NDUFA9: variants seen among roughly 807,000 people sequenced by gnomAD.
The protein encoded by NDUFA9 is NADH dehydrogenase [ubiquinone] 1 alpha subcomplex subunit 9, mitochondrial.
Under a neutral mutation model 45.9 loss-of-function variants are expected in NDUFA9, and 23 were observed. The observed-to-expected ratio is 0.50, with a 90% CI of 0.36 to 0.71. The LOEUF (loss-of-function observed/expected upper bound fraction) is 0.71, where lower values mean the gene tolerates loss of function less well. Ranked by LOEUF, NDUFA9 falls within the 30% of genes least tolerant of loss-of-function variation. The pLI is 0.00. For missense variants in NDUFA9, 466 were observed against 488.2 expected (o/e 0.95, Z 0.43); for synonymous variants, 176 against 170.5 (o/e 1.03, Z -0.25).
chr12:4,653,567 G>A (rs1264324066), intron 1 of NDUFA9: 6 of 440,998 alleles, frequency 1.4e-5, no homozygotes, highest in South Asian at 9.9e-5. Context: ...AAAAGAAATG[G>A]TGGAATGTTT....
At chr12:4,685,472 T>C (rs1276940850) in intron 10 of NDUFA9, 147 bp downstream of exon 10, 9 of 689,236 alleles carry the variant, frequency 1.3e-5, no homozygotes, top group Non-Finnish European at 1.7e-5. Flanking sequence ...CTGAAGCTCA[T>C]CCACCTGCCC....
intron 5 of NDUFA9, among the ~76,000 whole-genome samples, chr12:4,662,219 C>G (rs1945827142): frequency 6.6e-6 from 1 of 152,144 alleles, no homozygotes; most frequent in South Asian, 2.1e-4. Context: ...TGACACAAAC[C>G]AGAGAATCTG....
intron 1 of NDUFA9, among the ~76,000 whole-genome samples, 159 bp from the exon 2 acceptor site, chr12:4,654,133 C>T (rs531266326): frequency 3.2e-4 from 48 of 152,150 alleles, no homozygotes; most frequent in South Asian, 8.3e-4. Flanking sequence ...GATTCTGTGT[C>T]GTAGTAGTTT....
In NDUFA9 at chr12:4,685,334, A is replaced by G. The variant is rs1945979125; in HGVS notation, c.963+9A>G. The G allele has an allele frequency of 1.2e-6, 2 of 1,608,160 alleles. No homozygotes were observed. The highest frequency in any genetic ancestry group is 2.2e-5 in the East Asian group (1 of 44,690). On this transcript the variant is annotated intron_variant, in intron 10 of 10. Transcript: ENST00000266544. The stretch of plus-strand genomic sequence containing the variant: ...GGGATAAAGTGGAGCGGGTGAGTAC[A>G]TGTGTGGAAAGCGTCTGCCTGGGCA...
At position 4,688,821 on chromosome 12, in the gene NDUFA9, GCTGT is replaced by G. The variant is rs1426893111; in HGVS notation, c.*1718_*1721del. 1 of 152,198 alleles carries G rather than the reference GCTGT, an allele frequency of 6.6e-6. No individual in the cohort carries two copies. Among genetic ancestry groups the G allele is most frequent in the Non-Finnish European group, 1.5e-5 (1 of 68,040 alleles). 9.4% of individuals were successfully genotyped at this position (152,198 alleles called of 1,614,324 possible). A position where few individuals can be genotyped will look rare whatever the true frequency, so the allele number is the denominator to read the frequency against. On this transcript the variant is annotated 3_prime_UTR_variant, in exon 11 of 11. Transcript: ENST00000266544. ...CCAACTTCACGTTTTTTCTTCAGAT[GCTGT>G]CTGTTATTTTGGATGACACCCCTCC...
At chr12:4,679,152 C>T (rs1945938128) in intron 8 of NDUFA9, among the ~76,000 whole-genome samples, 1 of 152,102 alleles carries the variant, frequency 6.6e-6, no homozygotes, top group Non-Finnish European at 1.5e-5. Flanking sequence ...ATGAAAGAAG[C>T]TAGATACAGA....
intron 1 of NDUFA9, among the ~76,000 whole-genome samples, chr12:4,650,047 A>G (rs1565563354): frequency 6.6e-6 from 1 of 152,218 alleles, no homozygotes; most frequent in South Asian, 2.1e-4. Context: ...TCGTTACAGA[A>G]TATCATTTGC....
intron 6 of NDUFA9, among the ~76,000 whole-genome samples, chr12:4,667,142 A>G (rs1945857671): frequency 6.6e-6 from 1 of 152,156 alleles, no homozygotes; most frequent in Non-Finnish European, 1.5e-5. Context: ...GGAAGGGTGA[A>G]AGGGACAAAT....
rs1362606597 is a variant in NDUFA9, at chr12:4,688,584, T to C, written c.*1476T>C. 1 of 151,960 alleles carries C rather than the reference T, an allele frequency of 6.6e-6. No individual in the cohort carries two copies. The highest frequency in any genetic ancestry group is 1.5e-5 in the Non-Finnish European group (1 of 68,034). 9.4% of individuals were successfully genotyped at this position (151,960 alleles called of 1,614,324 possible). A position where few individuals can be genotyped will look rare whatever the true frequency, so the allele number is the denominator to read the frequency against. On this transcript the variant is annotated 3_prime_UTR_variant, in exon 11 of 11. Coordinates refer to ENST00000266544, the MANE Select transcript of NDUFA9 (RefSeq NM_005002.5). ...GGTCTCCAGGAGATTTGTATGCACA[T>C]TACAGTATGAGAAGCACTGCCATAC...
chr12:4,660,617 G>T (rs1945817740), intron 5 of NDUFA9, among the ~76,000 whole-genome samples: 1 of 152,096 alleles, frequency 6.6e-6, no homozygotes, highest in Non-Finnish European at 1.5e-5. Context: ...GGAGGCACCT[G>T]CAGAAACCCA....
intron 9 of NDUFA9, chr12:4,685,055 A>G (rs1438243798): frequency 1.5e-6 from 1 of 688,918 alleles, no homozygotes; most frequent in African/African-American, 1.8e-5. Context: ...ACCAGCAGTT[A>G]CAGCAGCCGA....
At chr12:4,676,102 A>G (rs954894777) in intron 8 of NDUFA9, among the ~76,000 whole-genome samples, 1 of 152,236 alleles carries the variant, frequency 6.6e-6, no homozygotes, top group Admixed American at 6.5e-5. Context: ...CCTTCATGCT[A>G]AGAACCCTCA....
At chr12:4,665,746 GTTTTT>G (rs10657164) in intron 6 of NDUFA9, among the ~76,000 whole-genome samples, 1 of 143,910 alleles carries the variant, frequency 6.9e-6, no homozygotes, top group Non-Finnish European at 1.5e-5. Flanking sequence ...GTTATTTTCT[GTTTTT>G]TTTTTTTTTT....
At chr12:4,668,558 T>A in intron 7 of NDUFA9, 34 bp downstream of exon 7, 1 of 1,541,712 alleles carries the variant, frequency 6.5e-7, no homozygotes, top group East Asian at 2.2e-5. Context: ...CAGAAAGGGA[T>A]TTTTGATGAA....
chr12:4,669,626 T>A (rs1454036587), intron 7 of NDUFA9, 115 bp from the exon 8 acceptor site: 12 of 679,800 alleles, frequency 1.8e-5, no homozygotes, highest in Non-Finnish European at 2.5e-5. Flanking sequence ...GCCTTCCTCC[T>A]TTCTCCTTCC....
chr12:4,682,335 A>G, intron 9 of NDUFA9, 35 bp downstream of exon 9: 1 of 1,490,724 alleles, frequency 6.7e-7, no homozygotes. Context: ...GACTTCTGAA[A>G]AAGCCAGCTC....
intron 8 of NDUFA9, among the ~76,000 whole-genome samples, chr12:4,675,671 G>A (rs775339360): frequency 6.6e-6 from 1 of 152,130 alleles, no homozygotes; most frequent in Non-Finnish European, 1.5e-5. Context: ...GCAATTAATA[G>A]CTTATCAACC....
At chr12:4,662,423 G>T in intron 5 of NDUFA9, 110 bp from the exon 6 acceptor site, 1 of 797,656 alleles carries the variant, frequency 1.3e-6, no homozygotes, top group Non-Finnish European at 2.1e-6. Flanking sequence ...ACCTTTATCT[G>T]GAGGAAAATA....
At position 4,688,806 on chromosome 12, in the gene NDUFA9, G is replaced by A. The variant is rs879154011; in HGVS notation, c.*1698G>A. ...GAAAGGAACACAAACCCAACTTCAC[G>A]TTTTTTCTTCAGATGCTGTCTGTTA... On this transcript the variant is annotated 3_prime_UTR_variant, in exon 11 of 11. Coordinates refer to ENST00000266544, the MANE Select transcript of NDUFA9 (RefSeq NM_005002.5). 2.6e-5 allele frequency: 4 copies of A among 152,152 alleles called. No homozygotes were observed. The highest frequency in any genetic ancestry group is 1.3e-4 in the Admixed American group (2 of 15,274). 9.4% of individuals were successfully genotyped at this position (152,152 alleles called of 1,614,324 possible).
Sources: gnomAD v4.1 joint callset for allele counts (sites outside exome capture counted in the v4.1 genomes callset) on GRCh38, gnomAD v4.1.1 for gene constraint, MANE v1.5 for transcripts, NCBI Gene and HGNC (gene_info 2026-07-23, HGNC 2026-07-21) for gene names.